Variants in ABLIM1 observed in about 807,000 individuals in gnomAD.
ABLIM1 encodes the protein actin-binding LIM protein 1.
In ABLIM1, 40 loss-of-function variants were observed where a neutral mutation model predicts 107.0. The ratio of observed to expected loss-of-function variants is 0.37; its 90% CI spans 0.29 to 0.49. The LOEUF is 0.49. ABLIM1 is among the 20% of genes least tolerant of loss of function. The probability of loss-of-function intolerance (pLI) is 0.97; values close to 1 mark genes in which losing one functional copy is unlikely to be tolerated. For synonymous variants in ABLIM1, 357 were observed against 357.3 expected (o/e 1.00, Z 0.01); for missense variants, 857 against 1,008.5 (o/e 0.85, Z 2.04).
intron 4 of ABLIM1, among the ~76,000 whole-genome samples, chr10:114,559,034 A>G (rs2069216530): frequency 6.6e-6 from 1 of 152,070 alleles, no homozygotes; most frequent in African/African-American, 2.4e-5. Context: ...CAAAATGACC[A>G]GGTAACAATT....
At chr10:114,767,944 C>A in intron 1 of ABLIM1, 1 of 338,948 alleles carries the variant, frequency 3.0e-6, no homozygotes, top group South Asian at 2.1e-5. Context: ...CCCGGGGATC[C>A]GCTGCCAAAG....
At chr10:114,789,240 A>G in the ABLIM1 span, among the ~76,000 whole-genome samples, 113,380 of 151,918 alleles carry the variant, frequency 0.75, 42,647 homozygotes, top group African/African-American at 0.84. Context: ...GGGCGACGGA[A>G]CAAGACTCCG....
At chr10:114,797,632 G>A in the ABLIM1 span, among the ~76,000 whole-genome samples, 10 of 151,698 alleles carry the variant, frequency 6.6e-5, no homozygotes, top group Non-Finnish European at 1.2e-4. Flanking sequence ...TTCCTCTATT[G>A]ATTTCCTCCT....
intron 12 of ABLIM1, among the ~76,000 whole-genome samples, chr10:114,463,558 A>C (rs976406949): frequency 7.1e-6 from 1 of 141,152 alleles, no homozygotes; most frequent in African/African-American, 2.7e-5. Context: ...CATTGTATTT[A>C]TATGTAAGGG....
intron 1 of ABLIM1, among the ~76,000 whole-genome samples, chr10:114,605,129 G>T (rs540529434): frequency 6.6e-6 from 1 of 152,278 alleles, no homozygotes; most frequent in East Asian, 1.9e-4. Flanking sequence ...AAAGAAATGG[G>T]CTGTTCTTAC....
intron 1 of ABLIM1, among the ~76,000 whole-genome samples, chr10:114,709,133 T>C (rs2081488452): frequency 6.6e-6 from 1 of 152,214 alleles, no homozygotes; most frequent in African/African-American, 2.4e-5. Context: ...AAATGATTTC[T>C]AGAAACTTTT....
At chr10:114,457,249 A>G (rs1757467352) in intron 12 of ABLIM1, among the ~76,000 whole-genome samples, 1 of 152,098 alleles carries the variant, frequency 6.6e-6, no homozygotes, top group South Asian at 2.1e-4. Flanking sequence ...TCTAAATTAA[A>G]CACCTTATCT....
At chr10:114,453,248 A>G in intron 13 of ABLIM1, 131 bp downstream of exon 13, 1 of 944,260 alleles carries the variant, frequency 1.1e-6, no homozygotes, top group Non-Finnish European at 1.7e-6. Flanking sequence ...CCTAGGTCAG[A>G]TCCTGCAATT....
chr10:114,666,794 T>A (rs531012101), intron 1 of ABLIM1, among the ~76,000 whole-genome samples: 107 of 152,336 alleles, frequency 7.0e-4, no homozygotes, highest in South Asian at 1.5e-3. Context: ...TAGAATTTTT[T>A]AAATGGAGGC....
Position 114,433,323 on chromosome 10 carries a change from T to A in ABLIM1, c.*2937A>T, listed in dbSNP as rs41293058. ...ATGCTGAGCCCAGTTTAACTAAATG[T>A]GCAGGCATTCTAGCCCACACATTCA... On this transcript the variant is annotated 3_prime_UTR_variant, in exon 23 of 23. Coordinates refer to ENST00000533213, the MANE Select transcript of ABLIM1 (RefSeq NM_002313.7). 1 of 152,142 alleles carries A rather than the reference T, an allele frequency of 6.6e-6. No homozygotes were observed. The highest frequency in any genetic ancestry group is 2.4e-5 in the African/African-American group (1 of 41,400). The allele number at this position is 152,142 out of a possible 1,614,324, so 9.4% of individuals were successfully genotyped here. A position where few individuals can be genotyped will look rare whatever the true frequency, so the allele number is the denominator to read the frequency against.
intron 1 of ABLIM1, among the ~76,000 whole-genome samples, chr10:114,741,216 CTTTTTTTTTTTTTTT>C (rs751287379): frequency 3.3e-5 from 2 of 59,876 alleles, no homozygotes; most frequent in Non-Finnish European, 3.2e-5. Flanking sequence ...GACTATTCTT[CTTTTTTTTTTTTTTT>C]TTTTTTTTTT....
At chr10:114,626,338 C>A (rs2077796814) in intron 1 of ABLIM1, among the ~76,000 whole-genome samples, 1 of 152,200 alleles carries the variant, frequency 6.6e-6, no homozygotes, top group South Asian at 2.1e-4. Context: ...TGCCTAACAT[C>A]TGAATGCCTC....
chr10:114,545,263 C>A (rs2067173013), intron 5 of ABLIM1, among the ~76,000 whole-genome samples, 165 bp from the exon 6 acceptor site: 1 of 152,188 alleles, frequency 6.6e-6, no homozygotes, highest in Admixed American at 6.5e-5. Context: ...CAGACAGGAT[C>A]AAAACCACAA....
chr10:114,535,581 A>G (rs907107452), intron 6 of ABLIM1, among the ~76,000 whole-genome samples: 1 of 152,160 alleles, frequency 6.6e-6, no homozygotes, highest in African/African-American at 2.4e-5. Flanking sequence ...AAGTGCTGAG[A>G]TTACAGGCAT....
At chr10:114,562,605 C>G (rs1331062382) in intron 4 of ABLIM1, among the ~76,000 whole-genome samples, 1 of 152,166 alleles carries the variant, frequency 6.6e-6, no homozygotes, top group African/African-American at 2.4e-5. Context: ...TAACTGCTTC[C>G]CCTGTTAAGT....
chr10:114,710,339 T>C (rs555262497), intron 1 of ABLIM1, among the ~76,000 whole-genome samples: 12 of 152,302 alleles, frequency 7.9e-5, no homozygotes, highest in African/African-American at 2.9e-4. Flanking sequence ...CACAGTTCGA[T>C]AGGGCTAGGG....
rs55651341 is a variant in ABLIM1, at chr10:114,468,384, C to T, written c.1276-168G>A. 7.7e-3 allele frequency: 4,494 copies of T among 580,128 alleles called. 31 individuals carry two copies. The highest frequency in any genetic ancestry group is 8.9e-3 in the Non-Finnish European group (2,823 of 318,760). The allele number at this position is 580,128 out of a possible 1,614,324, so 35.9% of individuals were successfully genotyped here. ...CCGCCTCCCAGGTTCAAGCGATTCT[C>T]CTGCCTCAGCCTCCCAAGTAGCTGG... On this transcript the variant is annotated intron_variant, in intron 10 of 22. Coordinates refer to ENST00000533213, the MANE Select transcript of ABLIM1 (RefSeq NM_002313.7).
chr10:114,524,607 A>G (rs1313951596), intron 6 of ABLIM1, among the ~76,000 whole-genome samples: 1 of 152,208 alleles, frequency 6.6e-6, no homozygotes, highest in Non-Finnish European at 1.5e-5. Flanking sequence ...AAAAAACTCT[A>G]TATTTACAGA....
chr10:114,467,938 A>G (rs1241202585), intron 11 of ABLIM1, among the ~76,000 whole-genome samples: 1 of 152,220 alleles, frequency 6.6e-6, no homozygotes, highest in Non-Finnish European at 1.5e-5. Flanking sequence ...TTCCACTTAC[A>G]GGCACAGACA....
Sources: allele counts gnomAD v4.1 joint callset (sites outside exome capture counted in the v4.1 genomes callset), GRCh38; gene constraint gnomAD v4.1.1; transcripts MANE v1.5; gene names NCBI Gene and HGNC (gene_info 2026-07-23, HGNC 2026-07-21).